The following CNTNAP2 variants were observed in gnomAD, a reference collection of about 807,000 sequenced individuals.
CNTNAP2 encodes contactin-associated protein-like 2.
Under a neutral mutation model 155.2 loss-of-function variants are expected in CNTNAP2, and 98 were observed. The ratio of observed to expected loss-of-function variants is 0.63; its 90% CI spans 0.54 to 0.75. The LOEUF (loss-of-function observed/expected upper bound fraction) is 0.75. Ranked by LOEUF, CNTNAP2 falls within the 30% of genes least tolerant of loss-of-function variation. The probability of loss-of-function intolerance (pLI) is 0.00; values close to 1 mark genes in which losing one functional copy is unlikely to be tolerated. For missense variants in CNTNAP2, 1,727 were observed against 1,688.1 expected (o/e 1.02, Z -0.40); for synonymous variants, 651 against 631.2 (o/e 1.03, Z -0.47).
At chr7:147,527,611 C>T (rs924845045) in intron 11 of CNTNAP2, among the ~76,000 whole-genome samples, 33 of 152,154 alleles carry the variant, frequency 2.2e-4, no homozygotes, top group African/African-American at 8.0e-4. Flanking sequence ...CAAGTAGCAT[C>T]AGTAGCCACA....
chr7:147,991,369 T>TG (rs201037056), intron 15 of CNTNAP2, among the ~76,000 whole-genome samples: 1 of 152 alleles, frequency 6.6e-3, no homozygotes, highest in Admixed American at 0.05. Context: ...ATGGAGGCAG[T>TG]GCATGAGGCA....
At chr7:147,257,116 A>T (rs1222128851) in intron 8 of CNTNAP2, among the ~76,000 whole-genome samples, 2 of 152,196 alleles carry the variant, frequency 1.3e-5, no homozygotes, top group Admixed American at 6.5e-5. Context: ...TGGGGGAAAA[A>T]GTCTCATTGG....
At chr7:146,944,621 G>C (rs1397335014) in intron 3 of CNTNAP2, among the ~76,000 whole-genome samples, 2 of 152,178 alleles carry the variant, frequency 1.3e-5, no homozygotes, top group Non-Finnish European at 2.9e-5. Flanking sequence ...GCTCACACCT[G>C]TAATGCCAGC....
chr7:147,537,235 C>T (rs947310807), intron 11 of CNTNAP2, among the ~76,000 whole-genome samples: 1 of 152,054 alleles, frequency 6.6e-6, no homozygotes, highest in Non-Finnish European at 1.5e-5. Flanking sequence ...TAATGTTTTT[C>T]AAATAAGTAC....
intron 3 of CNTNAP2, among the ~76,000 whole-genome samples, chr7:147,007,553 T>C (rs910524857): frequency 1.3e-5 from 2 of 152,128 alleles, no homozygotes; most frequent in African/African-American, 4.8e-5. Flanking sequence ...ATCAGATTAA[T>C]GTAAATTAAA....
chr7:147,454,093 A>T (rs1797879794), intron 10 of CNTNAP2, among the ~76,000 whole-genome samples: 1 of 152,158 alleles, frequency 6.6e-6, no homozygotes, highest in Non-Finnish European at 1.5e-5. Flanking sequence ...AGATTTGTGA[A>T]TTTTTGGTGT....
chr7:146,709,997 G>T (rs887427839), intron 1 of CNTNAP2, among the ~76,000 whole-genome samples: 3 of 152,158 alleles, frequency 2.0e-5, no homozygotes, highest in Non-Finnish European at 4.4e-5. Context: ...GAGCTTAGAA[G>T]AATTGGGGTG....
At chr7:146,997,625 T>A (rs1584773794) in intron 3 of CNTNAP2, among the ~76,000 whole-genome samples, 1 of 152,120 alleles carries the variant, frequency 6.6e-6, no homozygotes, top group Non-Finnish European at 1.5e-5. Flanking sequence ...AATCTGAGAA[T>A]TGATATTAGT....
chr7:147,907,079 C>T (rs555951516), intron 14 of CNTNAP2, among the ~76,000 whole-genome samples: 7 of 151,850 alleles, frequency 4.6e-5, no homozygotes, highest in South Asian at 2.1e-4. Context: ...TTTTAAGAGA[C>T]GGAGTCTTGC....
At chr7:146,903,809 T>C (rs539214828) in intron 3 of CNTNAP2, among the ~76,000 whole-genome samples, 18 of 152,142 alleles carry the variant, frequency 1.2e-4, no homozygotes, top group Non-Finnish European at 1.9e-4. Flanking sequence ...TTGCCCCGCA[T>C]AGTGACTGCC....
chr7:146,914,470 A>G (rs1318821788), intron 3 of CNTNAP2, among the ~76,000 whole-genome samples: 1 of 150,900 alleles, frequency 6.6e-6, no homozygotes, highest in East Asian at 1.9e-4. Flanking sequence ...ATTTTTTTTT[A>G]ATTTTTTTAT....
chr7:148,057,556 T>G (rs948794786), intron 15 of CNTNAP2, among the ~76,000 whole-genome samples: 2 of 152,174 alleles, frequency 1.3e-5, no homozygotes, highest in African/African-American at 4.8e-5. Flanking sequence ...TAAAGCCCTA[T>G]GTGGATGTAA....
intron 9 of CNTNAP2, among the ~76,000 whole-genome samples, chr7:147,326,093 C>T (rs932163455): frequency 4.0e-4 from 60 of 151,108 alleles, no homozygotes; most frequent in African/African-American, 1.4e-3. Flanking sequence ...CGGCTAATTG[C>T]TTTTGTATTT....
chr7:147,745,244 G>T (rs1797019029), intron 13 of CNTNAP2, among the ~76,000 whole-genome samples: 1 of 152,146 alleles, frequency 6.6e-6, no homozygotes, highest in Non-Finnish European at 1.5e-5. Context: ...ACATAAAAGA[G>T]CTCTACAAGG....
chr7:147,859,437 AAAACAT>A (rs1347597927), intron 13 of CNTNAP2, among the ~76,000 whole-genome samples: 2 of 137,420 alleles, frequency 1.5e-5, no homozygotes, highest in Admixed American at 7.1e-5. Flanking sequence ...AAAAAAAAAA[AAAACAT>A]GTCATATTTT....
At chr7:148,167,108 T>C (rs1805682424) in intron 17 of CNTNAP2, among the ~76,000 whole-genome samples, 1 of 152,210 alleles carries the variant, frequency 6.6e-6, no homozygotes, top group Non-Finnish European at 1.5e-5. Context: ...ACCTGCTTTA[T>C]AAATTATGAA....
intron 3 of CNTNAP2, among the ~76,000 whole-genome samples, chr7:146,900,352 T>G (rs1795968657): frequency 6.6e-6 from 1 of 152,208 alleles, no homozygotes; most frequent in Admixed American, 6.5e-5. Flanking sequence ...ACTCGAATAA[T>G]TTTCTAAATA....
chr7:146,421,944 C>T (rs967848888), intron 1 of CNTNAP2, among the ~76,000 whole-genome samples: 1 of 151,750 alleles, frequency 6.6e-6, no homozygotes, highest in Admixed American at 6.6e-5. Flanking sequence ...GCTTGTTTCA[C>T]TGAAGAGTAC....
intron 1 of CNTNAP2, among the ~76,000 whole-genome samples, chr7:146,649,046 A>T (rs957100802): frequency 6.6e-6 from 1 of 152,140 alleles, no homozygotes; most frequent in Non-Finnish European, 1.5e-5. Context: ...CCAAAAAGTA[A>T]ACTGAAAATG....
Sources: allele counts gnomAD v4.1 joint callset (sites outside exome capture counted in the v4.1 genomes callset), GRCh38; gene constraint gnomAD v4.1.1; transcripts MANE v1.5; gene names NCBI Gene and HGNC (gene_info 2026-07-23, HGNC 2026-07-21).